Variants in SPATA17 observed in about 807,000 individuals in gnomAD.
SPATA17 encodes the protein spermatogenesis associated 17, also known as spermatogenesis-associated protein 17.
Under a neutral mutation model 62.2 loss-of-function variants are expected in SPATA17, and 53 were observed. The observed-to-expected ratio is 0.85, with a 90% CI of 0.68 to 1.07. SPATA17 has a LOEUF of 1.07. Among genes scored for constraint, SPATA17 ranks in the 50% least tolerant of loss-of-function variants. The probability of loss-of-function intolerance (pLI) is 0.00; values close to 1 mark genes in which losing one functional copy is unlikely to be tolerated. For missense variants in SPATA17, 466 were observed against 425.5 expected, an observed-to-expected ratio of 1.10 and a Z score of -0.84; for synonymous variants, 146 against 146.8, an observed-to-expected ratio of 0.99 and a Z score of 0.04.
intron 9 of SPATA17, among the ~76,000 whole-genome samples, chr1:217,846,805 A>G (rs1675540318): frequency 6.6e-6 from 1 of 152,080 alleles, no homozygotes. Flanking sequence ...AGAGTGGTTA[A>G]TTTACTTAAC....
intron 5 of SPATA17, among the ~76,000 whole-genome samples, chr1:217,688,357 G>A (rs1671271393): frequency 6.6e-6 from 1 of 152,032 alleles, no homozygotes; most frequent in South Asian, 2.1e-4. Context: ...TTTAAATATA[G>A]GCTTCTATCA....
At chr1:217,860,686 C>A (rs1300833695) in intron 9 of SPATA17, among the ~76,000 whole-genome samples, 1 of 152,086 alleles carries the variant, frequency 6.6e-6, no homozygotes, top group Non-Finnish European at 1.5e-5. Flanking sequence ...CTAGTGTTAG[C>A]ATGGTATATC....
intron 5 of SPATA17, among the ~76,000 whole-genome samples, chr1:217,684,120 A>G (rs535251840): frequency 5.3e-5 from 8 of 152,334 alleles, no homozygotes; most frequent in African/African-American, 1.9e-4. Context: ...ATTTGTTTAA[A>G]CACATAGGAG....
intron 6 of SPATA17, among the ~76,000 whole-genome samples, chr1:217,746,429 T>C (rs1248747862): frequency 3.4e-5 from 5 of 148,982 alleles, no homozygotes; most frequent in African/African-American, 1.2e-4. Context: ...ACATTAATTT[T>C]TATTGTTCTA....
chr1:217,663,925 T>C (rs1428693732), intron 3 of SPATA17, among the ~76,000 whole-genome samples: 1 of 152,156 alleles, frequency 6.6e-6, no homozygotes, highest in East Asian at 1.9e-4. Context: ...CATGCAGTTA[T>C]TGTATATTGT....
intron 3 of SPATA17, among the ~76,000 whole-genome samples, chr1:217,663,815 T>G (rs1172656432): frequency 1.3e-5 from 2 of 152,318 alleles, no homozygotes; most frequent in East Asian, 3.9e-4. Context: ...GGTTGATTAT[T>G]TCATCCTTGA....
chr1:217,631,702 C>A (rs960956270), intron 1 of SPATA17, among the ~76,000 whole-genome samples: 1 of 152,094 alleles, frequency 6.6e-6, no homozygotes, highest in South Asian at 2.1e-4. Flanking sequence ...TTGTAAAGTG[C>A]TTTTTTTCTT....
intron 2 of SPATA17, among the ~76,000 whole-genome samples, chr1:217,650,490 C>A (rs1043276115): frequency 6.6e-6 from 1 of 152,040 alleles, no homozygotes; most frequent in Admixed American, 6.6e-5. Context: ...GATCTCGGCT[C>A]ACTGCAACCT....
At chr1:217,750,885 T>C (rs1454437965) in intron 6 of SPATA17, among the ~76,000 whole-genome samples, 1 of 152,150 alleles carries the variant, frequency 6.6e-6, no homozygotes, top group Non-Finnish European at 1.5e-5. Flanking sequence ...GTCACACAAC[T>C]AGTTTGAATA....
At chr1:217,720,380 T>G (rs1672097226) in intron 5 of SPATA17, among the ~76,000 whole-genome samples, 1 of 152,240 alleles carries the variant, frequency 6.6e-6, no homozygotes, top group Non-Finnish European at 1.5e-5. Flanking sequence ...TTTTCTAAAC[T>G]TCTTTTATCT....
At chr1:217,716,597 G>A (rs571978799) in intron 5 of SPATA17, among the ~76,000 whole-genome samples, 2 of 152,262 alleles carry the variant, frequency 1.3e-5, no homozygotes, top group African/African-American at 2.4e-5. Context: ...TAACTGAGTA[G>A]TTACTGAAAT....
intron 5 of SPATA17, among the ~76,000 whole-genome samples, chr1:217,726,583 G>A (rs1672261957): frequency 6.6e-6 from 1 of 152,128 alleles, no homozygotes. Context: ...GTGTACTTGG[G>A]CTTTAAATTA....
intron 5 of SPATA17, among the ~76,000 whole-genome samples, chr1:217,693,207 G>C (rs537949370): frequency 6.6e-6 from 1 of 151,000 alleles, no homozygotes; most frequent in Admixed American, 6.6e-5. Flanking sequence ...GCTTCTTCCT[G>C]GTTTAGTCTT....
chr1:217,847,758 AT>A (rs1029531130), intron 9 of SPATA17, among the ~76,000 whole-genome samples: 14 of 152,178 alleles, frequency 9.2e-5, no homozygotes, highest in African/African-American at 3.4e-4. Flanking sequence ...GACATTAAAA[AT>A]ATGACATCAG....
intron 6 of SPATA17, among the ~76,000 whole-genome samples, chr1:217,763,524 A>G (rs1330157994): frequency 6.6e-6 from 1 of 152,212 alleles, no homozygotes; most frequent in African/African-American, 2.4e-5. Context: ...GGAACAGAAA[A>G]GAATGGGCCT....
chr1:217,732,065 G>A (rs1672413557), intron 5 of SPATA17, among the ~76,000 whole-genome samples: 1 of 134,880 alleles, frequency 7.4e-6, no homozygotes, highest in African/African-American at 2.7e-5. Context: ...AAAGAATGGA[G>A]AAAGAAAATT....
At chr1:217,654,738 A>G (rs546196027) in intron 3 of SPATA17, among the ~76,000 whole-genome samples, 4 of 142,964 alleles carry the variant, frequency 2.8e-5, no homozygotes, top group Admixed American at 1.4e-4. Context: ...TTTTTTTTAG[A>G]CAGAGTCTCG....
intron 9 of SPATA17, among the ~76,000 whole-genome samples, chr1:217,834,493 C>T (rs1363776785): frequency 6.6e-6 from 1 of 151,838 alleles, no homozygotes; most frequent in African/African-American, 2.4e-5. Flanking sequence ...TGATCATGAC[C>T]CTGTGTAGGC....
chr1:217,662,173 A>G (rs1250625792), intron 3 of SPATA17, among the ~76,000 whole-genome samples: 2 of 152,126 alleles, frequency 1.3e-5, no homozygotes, highest in South Asian at 2.1e-4. Context: ...GTCATTACCC[A>G]ATTTACATTA....
Sources: allele counts gnomAD v4.1 joint callset (sites outside exome capture counted in the v4.1 genomes callset), GRCh38; gene constraint gnomAD v4.1.1; transcripts MANE v1.5; gene names NCBI Gene and HGNC (gene_info 2026-07-23, HGNC 2026-07-21).